The following FOXN3 variants were observed in gnomAD, a reference collection of about 807,000 sequenced individuals.
FOXN3 encodes the protein forkhead box N3, also known as forkhead box protein N3.
Under a neutral mutation model 38.4 loss-of-function variants are expected in FOXN3, and 7 were observed. The observed-to-expected ratio is 0.18, with a 90% CI of 0.10 to 0.34. The LOEUF is 0.34. Ranked by LOEUF, FOXN3 falls within the 10% of genes least tolerant of loss-of-function variation. FOXN3 has a pLI of 1.00. For missense variants in FOXN3, 456 were observed against 613.4 expected (o/e 0.74, Z 2.71); for synonymous variants, 230 against 242.2 (o/e 0.95, Z 0.47).
At chr14:89,611,583 G>C (rs936705462) in intron 1 of FOXN3, among the ~76,000 whole-genome samples, 1 of 152,164 alleles carries the variant, frequency 6.6e-6, no homozygotes, top group Non-Finnish European at 1.5e-5. Context: ...AAGGCGGGCG[G>C]ATCACAAGGT....
chr14:89,400,312 T>C (rs1460294170), intron 2 of FOXN3, among the ~76,000 whole-genome samples: 1 of 152,216 alleles, frequency 6.6e-6, no homozygotes, highest in Admixed American at 6.5e-5. Flanking sequence ...CTCTTTTTGA[T>C]TGAGAGGTAA....
At chr14:89,396,454 C>T (rs1263349059) in intron 2 of FOXN3, among the ~76,000 whole-genome samples, 1 of 152,210 alleles carries the variant, frequency 6.6e-6, no homozygotes, top group Admixed American at 6.5e-5. Context: ...GATCATCTTC[C>T]AGGATCCCAG....
intron 1 of FOXN3, among the ~76,000 whole-genome samples, chr14:89,469,733 C>T (rs984057937): frequency 6.6e-6 from 1 of 152,204 alleles, no homozygotes; most frequent in African/African-American, 2.4e-5. Flanking sequence ...AGGTGATGGG[C>T]TCTGCTACTC....
chr14:89,296,953 G>T (rs1474491150), intron 3 of FOXN3, among the ~76,000 whole-genome samples: 2 of 152,122 alleles, frequency 1.3e-5, no homozygotes, highest in Non-Finnish European at 2.9e-5. Context: ...CAACATTTCT[G>T]AAGGGGCTGG....
chr14:89,280,912 A>AG (rs753295966), intron 4 of FOXN3, 38 bp downstream of exon 4: 491 of 1,510,502 alleles, frequency 3.3e-4, no homozygotes, highest in Non-Finnish European at 4.3e-4. Flanking sequence ...CGGGTGGGTG[A>AG]GGGGGAGGGA....
intron 4 of FOXN3, among the ~76,000 whole-genome samples, chr14:89,257,070 C>T (rs897230905): frequency 1.3e-5 from 2 of 152,146 alleles, no homozygotes; most frequent in African/African-American, 4.8e-5. Context: ...GAAAACAAAC[C>T]CCTCCTTAAC....
intron 4 of FOXN3, among the ~76,000 whole-genome samples, chr14:89,252,365 A>T (rs1361110944): frequency 6.6e-6 from 1 of 152,204 alleles, no homozygotes; most frequent in Non-Finnish European, 1.5e-5. Flanking sequence ...CTTAAAAATC[A>T]GGAAATTGGC....
At chr14:89,428,999 T>C (rs757989800) in intron 1 of FOXN3, among the ~76,000 whole-genome samples, 3 of 152,150 alleles carry the variant, frequency 2.0e-5, no homozygotes, top group Non-Finnish European at 4.4e-5. Context: ...CCTAGGCTTG[T>C]CTTCCCCACA....
chr14:89,598,892 C>T (rs1896107003), intron 1 of FOXN3, among the ~76,000 whole-genome samples: 1 of 152,134 alleles, frequency 6.6e-6, no homozygotes, highest in African/African-American at 2.4e-5. Context: ...AATCTTTGTA[C>T]TTATCCTGCT....
intron 4 of FOXN3, among the ~76,000 whole-genome samples, chr14:89,206,085 T>C (rs913369270): frequency 6.6e-6 from 1 of 152,244 alleles, no homozygotes; most frequent in African/African-American, 2.4e-5. Flanking sequence ...GCTGGCACCT[T>C]GATTTTGGAC....
intron 4 of FOXN3, among the ~76,000 whole-genome samples, chr14:89,205,877 G>C (rs1189254242): frequency 6.6e-6 from 1 of 152,220 alleles, no homozygotes; most frequent in Non-Finnish European, 1.5e-5. Flanking sequence ...TTGAGCAATG[G>C]GGCACTGAAG....
chr14:89,236,032 G>A (rs1296806077), intron 4 of FOXN3, among the ~76,000 whole-genome samples: 2 of 152,232 alleles, frequency 1.3e-5, no homozygotes, highest in East Asian at 3.8e-4. Context: ...TGGCAGAGCT[G>A]GCGCTCATGG....
chr14:89,471,251 C>A (rs1284235925), intron 1 of FOXN3, among the ~76,000 whole-genome samples: 1 of 152,186 alleles, frequency 6.6e-6, no homozygotes, highest in African/African-American at 2.4e-5. Context: ...AAGGACAGTG[C>A]TGAAGAGCTG....
intron 4 of FOXN3, among the ~76,000 whole-genome samples, chr14:89,272,859 A>G (rs1364235704): frequency 6.6e-6 from 1 of 152,254 alleles, no homozygotes; most frequent in Non-Finnish European, 1.5e-5. Context: ...TCTCAAAAAA[A>G]AATTAAAATA....
At chr14:89,334,810 C>G (rs1888394509) in intron 3 of FOXN3, among the ~76,000 whole-genome samples, 1 of 151,954 alleles carries the variant, frequency 6.6e-6, no homozygotes, top group Non-Finnish European at 1.5e-5. Context: ...CTCCGTCACC[C>G]AGGCTGGAGT....
At chr14:89,339,533 T>G (rs1417640753) in intron 3 of FOXN3, among the ~76,000 whole-genome samples, 1 of 152,196 alleles carries the variant, frequency 6.6e-6, no homozygotes, top group African/African-American at 2.4e-5. Context: ...ATCCTGCTCC[T>G]TCCAATGCTG....
intron 1 of FOXN3, among the ~76,000 whole-genome samples, chr14:89,546,329 C>CTTTTTTT (rs1157998619): frequency 0.043 from 3,378 of 78,082 alleles, 556 homozygotes; most frequent in African/African-American, 0.13. Context: ...TTTCCTTTTT[C>CTTTTTTT]TTTTTTTTTT....
intron 1 of FOXN3, among the ~76,000 whole-genome samples, chr14:89,546,830 C>G (rs1894895844): frequency 6.6e-6 from 1 of 152,126 alleles, no homozygotes; most frequent in East Asian, 1.9e-4. Flanking sequence ...GTCAGCCAGT[C>G]TGGAGTGCAG....
intron 1 of FOXN3, among the ~76,000 whole-genome samples, chr14:89,527,507 T>C (rs1174229194): frequency 6.6e-6 from 1 of 152,064 alleles, no homozygotes; most frequent in East Asian, 1.9e-4. Context: ...TAGAATACCA[T>C]AAAAACTCTC....
Sources: gnomAD v4.1 joint callset for allele counts (sites outside exome capture counted in the v4.1 genomes callset) on GRCh38, gnomAD v4.1.1 for gene constraint, MANE v1.5 for transcripts, NCBI Gene and HGNC (gene_info 2026-07-23, HGNC 2026-07-21) for gene names.